NT5DC3: variants seen among roughly 807,000 people sequenced by gnomAD.
The protein encoded by NT5DC3 is 5'-nucleotidase domain-containing protein 3.
Under a neutral mutation model 67.8 loss-of-function variants are expected in NT5DC3, and 42 were observed. That is an observed-to-expected ratio of 0.62 (90% CI 0.48 to 0.80). The LOEUF (loss-of-function observed/expected upper bound fraction) is 0.80. NT5DC3 is among the 30% of genes least tolerant of loss of function. The pLI is 0.00. For missense variants in NT5DC3, 570 were observed against 696.4 expected (o/e 0.82, Z 2.04); for synonymous variants, 237 against 255.6 (o/e 0.93, Z 0.69).
intron 11 of NT5DC3, 31 bp from the exon 12 acceptor site, chr12:103,785,506 C>T (rs1015102841): frequency 3.1e-6 from 5 of 1,610,106 alleles, no homozygotes; most frequent in Non-Finnish European, 4.2e-6. Flanking sequence ...AAGTCAACGT[C>T]AGTCTCAACA....
intron 5 of NT5DC3, among the ~76,000 whole-genome samples, chr12:103,798,147 C>T (rs543193120): frequency 5.7e-4 from 87 of 152,092 alleles, no homozygotes; most frequent in African/African-American, 2.1e-3. Context: ...TCTAGTAAGA[C>T]AAGAAGCAAA....
chr12:103,829,664 T>C (rs1887841647), intron 1 of NT5DC3, among the ~76,000 whole-genome samples: 1 of 152,224 alleles, frequency 6.6e-6, no homozygotes, highest in Admixed American at 6.5e-5. Context: ...TGCTATTTCT[T>C]GCTTTTTCTG....
At chr12:103,746,759 G>T in the NT5DC3 span, 2 of 1,571,172 alleles carry the variant, frequency 1.3e-6, no homozygotes, top group South Asian at 2.2e-5. Context: ...AGAGGAGCAG[G>T]ACTTGCTCAC....
the NT5DC3 span, chr12:103,763,881 G>A: frequency 2.0e-5 from 6 of 294,544 alleles, no homozygotes; most frequent in African/African-American, 1.1e-4. Context: ...TCATGACCAG[G>A]TGAGATGCCA....
Position 103,775,288 on chromosome 12 carries a change from C to T in NT5DC3, c.*2541G>A, listed in dbSNP as rs1885306304. 1 of 144,138 alleles carries T rather than the reference C, an allele frequency of 6.9e-6. No homozygotes were observed. Among genetic ancestry groups the T allele is most frequent in the Non-Finnish European group, 1.5e-5 (1 of 66,000 alleles). The allele number at this position is 144,138 out of a possible 1,614,324, so 8.9% of individuals were successfully genotyped here. A position where few individuals can be genotyped will look rare whatever the true frequency, so the allele number is the denominator to read the frequency against. On this transcript the variant is annotated 3_prime_UTR_variant, in exon 14 of 14. Transcript: ENST00000392876. ...AATTCTTCTAACTGGGAATTGATTA[C>T]AAAACTCATTATTCATACCCAAAAA...
At chr12:103,793,092 CA>C in intron 9 of NT5DC3, 71 bp downstream of exon 9, 1 of 1,098,244 alleles carries the variant, frequency 9.1e-7, no homozygotes, top group Non-Finnish European at 1.4e-6. Flanking sequence ...TGGATTTTAC[CA>C]AGACACACCA....
At chr12:103,809,758 A>T (rs1053216764) in intron 2 of NT5DC3, among the ~76,000 whole-genome samples, 1 of 152,184 alleles carries the variant, frequency 6.6e-6, no homozygotes, top group African/African-American at 2.4e-5. Flanking sequence ...GGGAGCTACA[A>T]TTCAAGATGA....
the NT5DC3 span, chr12:103,763,649 T>A: frequency 6.5e-7 from 1 of 1,532,146 alleles, no homozygotes; most frequent in Non-Finnish European, 9.0e-7. Flanking sequence ...TCCCTTGGGG[T>A]ACAGGGGAAT....
chr12:103,803,791 A>T (rs928350787), intron 4 of NT5DC3, among the ~76,000 whole-genome samples: 5 of 152,096 alleles, frequency 3.3e-5, no homozygotes, highest in African/African-American at 7.2e-5. Context: ...CATGTTTCAC[A>T]GCAAGATGTG....
chr12:103,771,212 A>T (rs564631512), downstream of NT5DC3: 10 of 152,354 alleles, frequency 6.6e-5, no homozygotes, highest in Middle Eastern at 6.8e-3. Context: ...TCACGACTCA[A>T]ATACCAGGAG....
the NT5DC3 span, chr12:103,753,222 A>G: frequency 2.5e-6 from 4 of 1,613,978 alleles, no homozygotes; most frequent in Non-Finnish European, 3.4e-6. Flanking sequence ...TCATCCAGAT[A>G]CCACTGTTGG....
chr12:103,815,147 T>C, intron 1 of NT5DC3, 26 bp from the exon 2 acceptor site: 2 of 1,456,868 alleles, frequency 1.4e-6, no homozygotes, highest in African/African-American at 1.4e-5. Flanking sequence ...AAAAATACAT[T>C]ATACTACATA....
intron 9 of NT5DC3, among the ~76,000 whole-genome samples, chr12:103,791,652 C>T (rs949982783): frequency 1.3e-5 from 2 of 152,254 alleles, no homozygotes; most frequent in Admixed American, 6.5e-5. Flanking sequence ...AACCCTGGGC[C>T]GCGGACCACA....
intron 4 of NT5DC3, among the ~76,000 whole-genome samples, chr12:103,805,302 G>C (rs1197765395): frequency 6.6e-6 from 1 of 152,148 alleles, no homozygotes; most frequent in Non-Finnish European, 1.5e-5. Flanking sequence ...AAGGTTTTAG[G>C]GGCAGAGGGG....
At chr12:103,759,363 T>C in the NT5DC3 span, 12 of 1,517,890 alleles carry the variant, frequency 7.9e-6, no homozygotes, top group Non-Finnish European at 9.7e-6. Context: ...ATGGCAACTA[T>C]TATGCAAACA....
intron 1 of NT5DC3, chr12:103,822,148 ATTTC>A (rs1887516078): frequency 6.6e-6 from 1 of 152,030 alleles, no homozygotes; most frequent in African/African-American, 2.4e-5. Flanking sequence ...TATACCATTT[ATTTC>A]ATCTCTGAAT....
At chr12:103,747,490 A>G in the NT5DC3 span, among the ~76,000 whole-genome samples, 1 of 152,132 alleles carries the variant, frequency 6.6e-6, no homozygotes, top group Non-Finnish European at 1.5e-5. Context: ...CAATACCATA[A>G]GCCCAGCCTG....
chr12:103,827,436 TAA>T (rs1207412438), intron 1 of NT5DC3, among the ~76,000 whole-genome samples: 1 of 152,160 alleles, frequency 6.6e-6, no homozygotes, highest in Non-Finnish European at 1.5e-5. Context: ...TTAAAGTGTA[TAA>T]AAGAGTACTG....
chr12:103,759,186 C>T, the NT5DC3 span: 2 of 1,614,062 alleles, frequency 1.2e-6, no homozygotes, highest in Non-Finnish European at 1.7e-6. Context: ...GCATGTTTTT[C>T]TACAATGACC....
Sources: allele counts gnomAD v4.1 joint callset (sites outside exome capture counted in the v4.1 genomes callset), GRCh38; gene constraint gnomAD v4.1.1; transcripts MANE v1.5; gene names NCBI Gene and HGNC (gene_info 2026-07-23, HGNC 2026-07-21).